FNDC3B: variants seen among roughly 807,000 people sequenced by gnomAD.
The protein encoded by FNDC3B is fibronectin type III domain-containing protein 3B.
A neutral mutation model predicts 151.5 loss-of-function variants in FNDC3B; 12 were observed. The ratio of observed to expected loss-of-function variants is 0.08; its 90% CI spans 0.05 to 0.13. The LOEUF is 0.13. Ranked by LOEUF, FNDC3B falls within the 10% of genes least tolerant of loss-of-function variation. FNDC3B has a pLI of 1.00. For missense variants in FNDC3B, 1,214 were observed against 1,505.3 expected, an observed-to-expected ratio of 0.81 and a Z score of 3.20; for synonymous variants, 528 against 549.0, an observed-to-expected ratio of 0.96 and a Z score of 0.54.
rs553441475 is a variant in FNDC3B at position 172,198,270 on chromosome 3, G to T, written c.188-28601G>T. 4.6e-5 allele frequency among the ~76,000 whole-genome samples: 7 copies of T among 152,088 alleles called. No homozygotes were observed. The South Asian group carries it at 8.3e-4, about 18-fold the overall frequency. On this transcript the variant is annotated intron_variant, in intron 3 of 25. Transcript: ENST00000415807. ...ATCGTATTTAGAAGCCAAGATCTGTGGGGGGGTACATGTGCCTGTTAGTAT... is the reference window on the plus strand; with the variant it reads ...ATCGTATTTAGAAGCCAAGATCTGTTGGGGGGTACATGTGCCTGTTAGTAT...
intron 7 of FNDC3B, 38 bp from the exon 8 acceptor site, chr3:172,295,325 G>T: frequency 6.3e-7 from 1 of 1,576,754 alleles, no homozygotes; most frequent in Non-Finnish European, 8.6e-7. Context: ...AATGTAAAAT[G>T]GATTTGAATA....
At chr3:172,361,333 C>A (rs1246078215) in intron 22 of FNDC3B, among the ~76,000 whole-genome samples, 2 of 152,190 alleles carry the variant, frequency 1.3e-5, no homozygotes, top group East Asian at 3.8e-4. Flanking sequence ...ATTATAAGTT[C>A]TAACTTTAAG....
intron 9 of FNDC3B, among the ~76,000 whole-genome samples, chr3:172,306,412 T>G (rs1731204024): frequency 1.3e-5 from 2 of 152,258 alleles, no homozygotes; most frequent in Admixed American, 6.5e-5. Context: ...AAGATTTCCC[T>G]ACCTCAGAGA....
chr3:172,126,368 T>A (rs1479796950), intron 2 of FNDC3B, among the ~76,000 whole-genome samples: 3 of 152,188 alleles, frequency 2.0e-5, no homozygotes, highest in Admixed American at 6.5e-5. Context: ...GAGAGAAGAA[T>A]TGGAATAATC....
intron 6 of FNDC3B, among the ~76,000 whole-genome samples, chr3:172,279,899 CGTTGTTGTT>C (rs59528273): frequency 0.011 from 1,607 of 151,460 alleles, 17 homozygotes; most frequent in South Asian, 0.029. Context: ...AACACATATT[CGTTGTTGTT>C]GTTGTTGTTG....
chr3:172,081,420 A>T (rs1438610182), intron 1 of FNDC3B, among the ~76,000 whole-genome samples: 1 of 152,038 alleles, frequency 6.6e-6, no homozygotes. Flanking sequence ...TCATGCTAAT[A>T]TTGTGATTTT....
At chr3:172,306,981 T>TA (rs1339091685) in intron 9 of FNDC3B, 1 of 170,190 alleles carries the variant, frequency 5.9e-6, no homozygotes, top group Non-Finnish European at 1.3e-5. Context: ...TTTGCCTTTT[T>TA]ATCCAGCTCT....
At chr3:172,222,860 T>C (rs979815198) in intron 3 of FNDC3B, among the ~76,000 whole-genome samples, 2 of 152,174 alleles carry the variant, frequency 1.3e-5, no homozygotes, top group African/African-American at 2.4e-5. Context: ...AAACAGAGGA[T>C]GAGGCAGAAT....
At chr3:172,138,136 C>CT (rs1721463006) in intron 3 of FNDC3B, among the ~76,000 whole-genome samples, 1 of 152,352 alleles carries the variant, frequency 6.6e-6, no homozygotes, top group South Asian at 2.1e-4. Flanking sequence ...CTTTAGGCCT[C>CT]TTTCTTCCAA....
chr3:172,275,001 T>C (rs1047798315), intron 6 of FNDC3B, among the ~76,000 whole-genome samples: 1 of 152,192 alleles, frequency 6.6e-6, no homozygotes, highest in Non-Finnish European at 1.5e-5. Context: ...TCTTTTCTGT[T>C]GTCTTATCTA....
chr3:172,333,488 ATTTTTTTTTTTT>A (rs748224819), intron 14 of FNDC3B, among the ~76,000 whole-genome samples: 11 of 102,834 alleles, frequency 1.1e-4, no homozygotes, highest in African/African-American at 4.1e-4. Flanking sequence ...TGCCCGGCTA[ATTTTTTTTTTTT>A]TTTTTTTTTT....
chr3:172,241,563 CA>C (rs35959261), intron 4 of FNDC3B, among the ~76,000 whole-genome samples: 25,220 of 141,574 alleles, frequency 0.18, 2,604 homozygotes, highest in Non-Finnish European at 0.24. Context: ...TGGATGGCAG[CA>C]AAAAAAAAAA....
chr3:172,159,365 A>G (rs76815765), intron 3 of FNDC3B, among the ~76,000 whole-genome samples: 1,883 of 152,290 alleles, frequency 0.012, 42 homozygotes, highest in African/African-American at 0.04. Context: ...TGATCACTGT[A>G]TCCCTCCTCC....
intron 3 of FNDC3B, among the ~76,000 whole-genome samples, chr3:172,189,775 T>C (rs1445808862): frequency 8.4e-6 from 1 of 118,520 alleles, no homozygotes; most frequent in African/African-American, 3.3e-5. Context: ...CACAACAGCC[T>C]GGGTGACAGA....
intron 3 of FNDC3B, chr3:172,187,173 T>G (rs1435058387): frequency 6.3e-6 from 1 of 158,746 alleles, no homozygotes; most frequent in Non-Finnish European, 1.4e-5. Context: ...ATATGTATGT[T>G]AGACTGTCCA....
intron 3 of FNDC3B, among the ~76,000 whole-genome samples, chr3:172,212,655 C>G (rs1377950503): frequency 6.6e-6 from 1 of 152,224 alleles, no homozygotes; most frequent in African/African-American, 2.4e-5. Flanking sequence ...ACCACTACCA[C>G]CCAGCATATT....
intron 3 of FNDC3B, among the ~76,000 whole-genome samples, chr3:172,197,573 G>T (rs1315629565): frequency 6.6e-6 from 1 of 152,222 alleles, no homozygotes; most frequent in Non-Finnish European, 1.5e-5. Flanking sequence ...CAAGGATTCA[G>T]TTCAGAATTA....
chr3:172,062,343 TCTCCGTCA>T (rs2108473607), intron 1 of FNDC3B, among the ~76,000 whole-genome samples: 1 of 151,244 alleles, frequency 6.6e-6, no homozygotes, highest in East Asian at 1.9e-4. Flanking sequence ...ATGGAGTCTC[TCTCCGTCA>T]CCCAGGCTGG....
intron 6 of FNDC3B, among the ~76,000 whole-genome samples, chr3:172,273,717 C>T (rs1278430875): frequency 6.6e-6 from 1 of 152,174 alleles, no homozygotes; most frequent in Non-Finnish European, 1.5e-5. Flanking sequence ...GAATTAGTGT[C>T]CACTCTACAG....
Sources: allele counts gnomAD v4.1 joint callset (sites outside exome capture counted in the v4.1 genomes callset), GRCh38; gene constraint gnomAD v4.1.1; transcripts MANE v1.5; gene names NCBI Gene and HGNC (gene_info 2026-07-23, HGNC 2026-07-21).